NKAIN2: variants seen among roughly 807,000 people sequenced by gnomAD.
NKAIN2 encodes sodium/potassium-transporting ATPase subunit beta-1-interacting protein 2.
NKAIN2 carries 14 observed loss-of-function variants against 32.6 expected under a neutral mutation model. The observed-to-expected ratio is 0.43, with a 90% CI of 0.28 to 0.67. The LOEUF (loss-of-function observed/expected upper bound fraction) is 0.67, where lower values mean the gene tolerates loss of function less well. Among genes scored for constraint, NKAIN2 ranks in the 30% least tolerant of loss-of-function variants. The pLI is 0.17. For missense variants in NKAIN2, 198 were observed against 258.3 expected, an observed-to-expected ratio of 0.77 and a Z score of 1.60; for synonymous variants, 80 against 87.2, an observed-to-expected ratio of 0.92 and a Z score of 0.46.
At chr6:123,983,732 G>GGT (rs1779005421) in intron 1 of NKAIN2, among the ~76,000 whole-genome samples, 1 of 81,378 alleles carries the variant, frequency 1.2e-5, no homozygotes, top group South Asian at 5.7e-4. Flanking sequence ...ACCAAGTTAT[G>GGT]GTATATATAT....
At chr6:124,394,420 A>G (rs1026287452) in intron 3 of NKAIN2, among the ~76,000 whole-genome samples, 4 of 151,958 alleles carry the variant, frequency 2.6e-5, no homozygotes, top group Non-Finnish European at 5.9e-5. Flanking sequence ...TGGCCCTTGT[A>G]TTAGTCAGGG....
At chr6:124,341,480 A>G (rs1490167639) in intron 2 of NKAIN2, among the ~76,000 whole-genome samples, 2 of 152,148 alleles carry the variant, frequency 1.3e-5, no homozygotes, top group Non-Finnish European at 2.9e-5. Flanking sequence ...TCCCTTTTTG[A>G]TGCTCAAAAT....
intron 5 of NKAIN2, among the ~76,000 whole-genome samples, chr6:124,800,191 G>A (rs1303213657): frequency 2.6e-5 from 4 of 152,178 alleles, no homozygotes; most frequent in East Asian, 3.9e-4. Context: ...ACTTCCTTAT[G>A]CCCGGTTCTG....
At chr6:124,719,701 T>G (rs1268726414) in intron 4 of NKAIN2, among the ~76,000 whole-genome samples, 1 of 147,888 alleles carries the variant, frequency 6.8e-6, no homozygotes, top group African/African-American at 2.5e-5. Flanking sequence ...CAGATACTTC[T>G]GTTCATTAAA....
At chr6:124,764,144 G>A (rs1778401109) in intron 4 of NKAIN2, among the ~76,000 whole-genome samples, 1 of 152,006 alleles carries the variant, frequency 6.6e-6, no homozygotes, top group African/African-American at 2.4e-5. Flanking sequence ...TCTTAACATG[G>A]GGTTCTTGAG....
chr6:124,484,397 G>C (rs628914), intron 3 of NKAIN2, among the ~76,000 whole-genome samples: 93,952 of 151,910 alleles, frequency 0.62, 30,353 homozygotes, highest in East Asian at 0.77. Flanking sequence ...TGGATTGCCT[G>C]ACCTTATATT....
At chr6:124,178,299 CTT>C (rs71021481) in intron 1 of NKAIN2, among the ~76,000 whole-genome samples, 133 of 139,074 alleles carry the variant, frequency 9.6e-4, no homozygotes, top group Non-Finnish European at 1.1e-3. Flanking sequence ...CGTACATTAA[CTT>C]TTTTTTTTTT....
chr6:124,245,446 G>T (rs1793347086), intron 1 of NKAIN2, among the ~76,000 whole-genome samples: 1 of 151,886 alleles, frequency 6.6e-6, no homozygotes, highest in Admixed American at 6.6e-5. Flanking sequence ...TATATTTATG[G>T]TTTCATTAGC....
At chr6:124,670,134 A>C (rs1474207860) in intron 4 of NKAIN2, among the ~76,000 whole-genome samples, 3 of 152,134 alleles carry the variant, frequency 2.0e-5, no homozygotes, top group African/African-American at 7.2e-5. Flanking sequence ...TATGTAACTA[A>C]ATTTTAGAGA....
At chr6:123,974,236 A>C (rs2114643883) in intron 1 of NKAIN2, among the ~76,000 whole-genome samples, 1 of 152,284 alleles carries the variant, frequency 6.6e-6, no homozygotes, top group Non-Finnish European at 1.5e-5. Flanking sequence ...TATACTTTCC[A>C]AAATTAGTGA....
At chr6:124,761,780 T>A (rs888682115) in intron 4 of NKAIN2, among the ~76,000 whole-genome samples, 11 of 152,204 alleles carry the variant, frequency 7.2e-5, no homozygotes, top group African/African-American at 2.7e-4. Context: ...CTATTAACAA[T>A]CTGAATGGGG....
chr6:123,839,790 A>G (rs1233430172), intron 1 of NKAIN2, among the ~76,000 whole-genome samples: 1 of 152,186 alleles, frequency 6.6e-6, no homozygotes, highest in African/African-American at 2.4e-5. Flanking sequence ...GAGAGAATAT[A>G]GGAATGATTA....
chr6:124,309,883 C>T (rs1303817779), intron 2 of NKAIN2, among the ~76,000 whole-genome samples: 1 of 151,860 alleles, frequency 6.6e-6, no homozygotes, highest in Non-Finnish European at 1.5e-5. Flanking sequence ...TTCTTCTTTC[C>T]CTTCTCTCTC....
intron 1 of NKAIN2, among the ~76,000 whole-genome samples, chr6:124,022,042 C>G (rs1780890747): frequency 7.0e-6 from 1 of 142,786 alleles, no homozygotes. Flanking sequence ...TATCCCTCCC[C>G]CCTCCCCCTA....
intron 6 of NKAIN2, among the ~76,000 whole-genome samples, chr6:124,821,153 G>C (rs1343526377): frequency 6.6e-6 from 1 of 152,020 alleles, no homozygotes; most frequent in African/African-American, 2.4e-5. Context: ...AAATTAGCCA[G>C]GCATGGTGGT....
chr6:124,652,876 T>C (rs1784413769), intron 3 of NKAIN2, among the ~76,000 whole-genome samples: 1 of 152,316 alleles, frequency 6.6e-6, no homozygotes, highest in South Asian at 2.1e-4. Flanking sequence ...TCATTAGGCT[T>C]CACTTCCCAA....
chr6:124,345,193 T>A (rs1001287724), intron 2 of NKAIN2, among the ~76,000 whole-genome samples: 2 of 152,142 alleles, frequency 1.3e-5, no homozygotes, highest in African/African-American at 2.4e-5. Flanking sequence ...CCACTTGATC[T>A]TGGTGGACAA....
intron 3 of NKAIN2, among the ~76,000 whole-genome samples, chr6:124,481,822 A>T (rs1490730812): frequency 6.6e-6 from 1 of 151,956 alleles, no homozygotes; most frequent in African/African-American, 2.4e-5. Flanking sequence ...CATGCATAAC[A>T]GGGGTAATAT....
chr6:124,710,931 G>A (rs1283550968), intron 4 of NKAIN2, among the ~76,000 whole-genome samples: 1 of 151,204 alleles, frequency 6.6e-6, no homozygotes, highest in African/African-American at 2.4e-5. Flanking sequence ...AGTCTCGATG[G>A]TCTTTACGTT....
Sources: gnomAD v4.1 joint callset for allele counts (sites outside exome capture counted in the v4.1 genomes callset) on GRCh38, gnomAD v4.1.1 for gene constraint, MANE v1.5 for transcripts, NCBI Gene and HGNC (gene_info 2026-07-23, HGNC 2026-07-21) for gene names.